The following ATP6V0E1 variants were observed in gnomAD, a reference collection of about 807,000 sequenced individuals.
ATP6V0E1 encodes the protein V-type proton ATPase subunit e 1.
A neutral mutation model predicts 11.6 loss-of-function variants in ATP6V0E1; 4 were observed. That is an observed-to-expected ratio of 0.35 (90% confidence interval 0.17 to 0.79). The LOEUF (loss-of-function observed/expected upper bound fraction) is 0.79. Ranked by LOEUF, ATP6V0E1 falls within the 30% of genes least tolerant of loss-of-function variation. ATP6V0E1 has a pLI of 0.54. For missense variants in ATP6V0E1, 105 were observed against 100.0 expected (o/e 1.05, Z -0.21); for synonymous variants, 36 against 34.8 (o/e 1.04, Z -0.13).
At chr5:173,025,822 A>G (rs78309378) in intron 3 of ATP6V0E1, among the ~76,000 whole-genome samples, 17 of 152,018 alleles carry the variant, frequency 1.1e-4, no homozygotes, top group Non-Finnish European at 2.2e-4. Context: ...TAACACCAGT[A>G]TAACTAATAG....
At chr5:172,986,761 G>A (rs1755903073) in intron 1 of ATP6V0E1, 1 of 442,620 alleles carries the variant, frequency 2.3e-6, no homozygotes, top group Admixed American at 2.5e-5. Context: ...GGAAGATAAG[G>A]TTGGTTTTTT....
rs78825938 is a variant in ATP6V0E1, at chr5:173,020,338, A to G, written c.*7A>G. On this transcript the variant is annotated 3_prime_UTR_variant, in exon 3 of 4. Coordinates refer to ENST00000519374, the MANE Select transcript of ATP6V0E1 (RefSeq NM_003945.4). Reference sequence around the variant, plus strand: ...GAAGTATCATTGGCCTTGAGGAAGAAGACATGCTCTACAGTGCTCAGTCTT... The same window carrying G: ...GAAGTATCATTGGCCTTGAGGAAGAGGACATGCTCTACAGTGCTCAGTCTT... 8.6e-4 allele frequency: 1,381 copies of G among 1,598,938 alleles called. 8 individuals carry two copies. In the African/African-American group the frequency reaches 0.015, roughly 18 times the overall value.
chr5:173,024,197 CAAA>C (rs56837002), intron 3 of ATP6V0E1, among the ~76,000 whole-genome samples: 60 of 73,474 alleles, frequency 8.2e-4, no homozygotes, highest in African/African-American at 2.2e-3. Flanking sequence ...GACTCCGTCT[CAAA>C]AAAAAAAAAA....
At chr5:173,005,433 C>T (rs373871819) in intron 2 of ATP6V0E1, among the ~76,000 whole-genome samples, 1 of 152,132 alleles carries the variant, frequency 6.6e-6, no homozygotes, top group South Asian at 2.1e-4. Context: ...AGGATGGTCT[C>T]GATCTCCTGG....
chr5:173,014,455 CAG>C (rs1477452722), intron 2 of ATP6V0E1, among the ~76,000 whole-genome samples: 1 of 152,140 alleles, frequency 6.6e-6, no homozygotes, highest in Non-Finnish European at 1.5e-5. Context: ...GTAGCAGAGA[CAG>C]AGAATCAATC....
intron 2 of ATP6V0E1, among the ~76,000 whole-genome samples, chr5:173,017,796 G>T (rs368134408): frequency 6.8e-6 from 1 of 147,932 alleles, no homozygotes; most frequent in African/African-American, 2.5e-5. Flanking sequence ...AGCTGAGATC[G>T]TGCCACTGCA....
intron 2 of ATP6V0E1, among the ~76,000 whole-genome samples, chr5:173,000,035 T>C (rs866458559): frequency 6.6e-6 from 1 of 152,204 alleles, no homozygotes; most frequent in African/African-American, 2.4e-5. Flanking sequence ...TTGGCACTGG[T>C]ACATTTTCTT....
At chr5:173,011,681 A>G (rs886226010) in intron 2 of ATP6V0E1, among the ~76,000 whole-genome samples, 1 of 152,218 alleles carries the variant, frequency 6.6e-6, no homozygotes, top group Non-Finnish European at 1.5e-5. Flanking sequence ...TTCTCTGAAG[A>G]CATTATTGCA....
chr5:172,997,498 A>G (rs761690672), intron 2 of ATP6V0E1, among the ~76,000 whole-genome samples: 27 of 152,124 alleles, frequency 1.8e-4, no homozygotes, highest in Non-Finnish European at 3.4e-4. Flanking sequence ...ATCATTCCAC[A>G]AAATTGGAAG....
chr5:173,017,534 A>T (rs1364231809), intron 2 of ATP6V0E1, among the ~76,000 whole-genome samples: 3 of 114,042 alleles, frequency 2.6e-5, no homozygotes, highest in Non-Finnish European at 5.2e-5. Flanking sequence ...GACTTCGTCT[A>T]AAAAAAAAAA....
chr5:173,025,575 A>G (rs1406457259), intron 3 of ATP6V0E1, among the ~76,000 whole-genome samples: 1 of 136,696 alleles, frequency 7.3e-6, no homozygotes, highest in Non-Finnish European at 1.5e-5. Context: ...CATCACCACA[A>G]CCTCTGCCTC....
chr5:173,032,228 T>C (rs968933694), intron 3 of ATP6V0E1, among the ~76,000 whole-genome samples: 1 of 93,516 alleles, frequency 1.1e-5, no homozygotes, highest in African/African-American at 4.3e-5. Context: ...TGTAACATAA[T>C]GCACATTTAC....
chr5:173,024,119 A>G (rs1362965029), intron 3 of ATP6V0E1, among the ~76,000 whole-genome samples: 1 of 146,820 alleles, frequency 6.8e-6, no homozygotes, highest in African/African-American at 2.5e-5. Flanking sequence ...AATGGCATGA[A>G]CCCAGGAGGT....
Position 173,013,291 on chromosome 5 carries a change from C to A in ATP6V0E1, c.153-6947C>A, listed in dbSNP as rs960523687. On this transcript the variant is annotated intron_variant, in intron 2 of 3. Coordinates refer to ENST00000519374, the MANE Select transcript of ATP6V0E1 (RefSeq NM_003945.4). ...AAGAAACAATAGAATAAAGAGACAA[C>A]TTGGCCGGGCGCGGTGGCTCACGCC... Among the ~76,000 whole-genome samples the A allele has an allele frequency of 1.3e-4, 19 of 141,442 alleles. 1 individual carries two copies. The highest frequency in any genetic ancestry group is 1.1e-3 in the Admixed American group (15 of 14,202). The allele number at this position is 141,442 out of a possible 152,430, so 92.8% of individuals were successfully genotyped here. A position where few individuals can be genotyped will look rare whatever the true frequency, so the allele number is the denominator to read the frequency against.
chr5:172,988,645 A>C (rs972246724), intron 1 of ATP6V0E1, among the ~76,000 whole-genome samples: 1 of 152,270 alleles, frequency 6.6e-6, no homozygotes, highest in African/African-American at 2.4e-5. Context: ...CTGCAAATCA[A>C]ATTTTTCAGG....
At position 173,020,246 on chromosome 5, in the gene ATP6V0E1, T is replaced by G. The variant is rs1404312965; in HGVS notation, c.161T>G (p.Ile54Ser). The G allele has an allele frequency of 6.2e-7, 1 of 1,613,058 alleles. No individual in the cohort carries two copies. The highest frequency in any genetic ancestry group is 1.1e-5 in the South Asian group (1 of 91,054). The part of the protein sequence containing the change: ...CSVCCYLFWL[I>S]AILAQLNPLF... ...TCCCATCCTTCTTTTAGTTGGCTGA[T>G]TGCAATTCTGGCCCAACTCAACCCT... The change falls in exon 3 of 4, where the codon ATT becomes AGT. Residue 54 changes from isoleucine to serine, a missense_variant. Transcript: ENST00000519374.
At chr5:173,023,759 A>T (rs1457232077) in intron 3 of ATP6V0E1, among the ~76,000 whole-genome samples, 1 of 151,588 alleles carries the variant, frequency 6.6e-6, no homozygotes, top group Non-Finnish European at 1.5e-5. Flanking sequence ...GTGGGAGGAG[A>T]ACTTGAGCCT....
chr5:173,027,953 G>A (rs1756588091), intron 3 of ATP6V0E1, among the ~76,000 whole-genome samples: 1 of 152,022 alleles, frequency 6.6e-6, no homozygotes, highest in Non-Finnish European at 1.5e-5. Context: ...TGAGAGAATT[G>A]GGCCCTTTGA....
chr5:173,011,533 G>A (rs1756326232), intron 2 of ATP6V0E1, among the ~76,000 whole-genome samples: 2 of 152,152 alleles, frequency 1.3e-5, no homozygotes, highest in South Asian at 2.1e-4. Context: ...ATGGGACTCA[G>A]GAGTCCTGGA....
Sources: allele counts gnomAD v4.1 joint callset (sites outside exome capture counted in the v4.1 genomes callset), GRCh38; gene constraint gnomAD v4.1.1; transcripts MANE v1.5; gene names NCBI Gene and HGNC (gene_info 2026-07-23, HGNC 2026-07-21).